Variants in FMN1 observed in about 807,000 individuals in gnomAD.
FMN1 encodes the protein formin 1, also known as formin-1.
Under a neutral mutation model 132.4 loss-of-function variants are expected in FMN1, and 110 were observed. The ratio of observed to expected loss-of-function variants is 0.83; its 90% CI spans 0.71 to 0.97. FMN1 has a LOEUF of 0.97. FMN1 is among the 50% of genes least tolerant of loss of function. The pLI, the probability that FMN1 is intolerant of heterozygous loss-of-function variation, is 0.00. For synonymous variants in FMN1, 722 were observed against 651.7 expected (o/e 1.11, Z -1.64); for missense variants, 1,792 against 1,705.3 (o/e 1.05, Z -0.90).
intron 4 of FMN1, among the ~76,000 whole-genome samples, chr15:33,128,787 G>A (rs2085181): frequency 4.6e-5 from 7 of 151,934 alleles, no homozygotes; most frequent in African/African-American, 1.2e-4. Context: ...CAAACGGTGA[G>A]CAGCAGCAAG....
At chr15:32,842,810 G>A (rs1355620495) in intron 17 of FMN1, among the ~76,000 whole-genome samples, 2 of 138,186 alleles carry the variant, frequency 1.4e-5, no homozygotes, top group East Asian at 2.1e-4. Flanking sequence ...TTTTGAGGAA[G>A]TAAGCTTCCC....
At chr15:32,808,812 T>C (rs1271537218) in intron 17 of FMN1, among the ~76,000 whole-genome samples, 2 of 152,180 alleles carry the variant, frequency 1.3e-5, no homozygotes, top group Non-Finnish European at 2.9e-5. Flanking sequence ...ATCACAAAAT[T>C]GCACACAACA....
intron 6 of FMN1, chr15:33,063,354 G>C (rs551423071): frequency 1.3e-5 from 2 of 152,354 alleles, no homozygotes. Context: ...TGAGGGCTGC[G>C]GGTCCTGCCC....
At chr15:32,842,064 T>C (rs2058757007) in intron 17 of FMN1, among the ~76,000 whole-genome samples, 1 of 152,202 alleles carries the variant, frequency 6.6e-6, no homozygotes, top group African/African-American at 2.4e-5. Flanking sequence ...GTGGCGTCTA[T>C]TCACTCCCTT....
chr15:33,128,526 G>A (rs540200987), intron 4 of FMN1, among the ~76,000 whole-genome samples: 17 of 152,188 alleles, frequency 1.1e-4, no homozygotes, highest in Non-Finnish European at 2.1e-4. Flanking sequence ...ATGAAACAGC[G>A]TGATATGTTA....
chr15:33,006,838 G>T (rs76516299), intron 7 of FMN1, among the ~76,000 whole-genome samples: 2 of 152,008 alleles, frequency 1.3e-5, no homozygotes. Context: ...TAAAAAAGTC[G>T]AACTCGCAGG....
intron 4 of FMN1, among the ~76,000 whole-genome samples, chr15:33,136,038 G>A (rs925931236): frequency 9.2e-5 from 14 of 152,192 alleles, no homozygotes; most frequent in African/African-American, 3.1e-4. Flanking sequence ...AATAAAAAAT[G>A]TTTTGAATGC....
At chr15:32,848,295 GGAGA>G (rs1439521360) in intron 17 of FMN1, among the ~76,000 whole-genome samples, 4 of 152,204 alleles carry the variant, frequency 2.6e-5, no homozygotes, top group African/African-American at 9.6e-5. Context: ...TCCAAGTCAA[GGAGA>G]AAGAACGGAG....
intron 7 of FMN1, among the ~76,000 whole-genome samples, chr15:32,986,522 A>C (rs937161031): frequency 5.3e-5 from 8 of 152,128 alleles, no homozygotes; most frequent in African/African-American, 1.9e-4. Context: ...GAAAAATGTA[A>C]ATCTCCCATC....
At chr15:32,867,094 G>T (rs566319881) in intron 16 of FMN1, among the ~76,000 whole-genome samples, 10 of 152,088 alleles carry the variant, frequency 6.6e-5, no homozygotes, top group Non-Finnish European at 1.3e-4. Flanking sequence ...CACCTCCTAC[G>T]GAACTCCTGA....
intron 19 of FMN1, among the ~76,000 whole-genome samples, chr15:32,783,247 C>T (rs1367970894): frequency 6.6e-6 from 1 of 152,164 alleles, no homozygotes; most frequent in Admixed American, 6.5e-5. Flanking sequence ...AATATATATT[C>T]TCAATTGATA....
At chr15:33,078,822 T>C (rs1475163391) in intron 5 of FMN1, among the ~76,000 whole-genome samples, 2 of 152,164 alleles carry the variant, frequency 1.3e-5, no homozygotes, top group Admixed American at 6.5e-5. Flanking sequence ...AAAAATGCTT[T>C]TTTGAAAGAC....
chr15:33,147,097 G>A (rs1184840430), intron 4 of FMN1, among the ~76,000 whole-genome samples: 4 of 151,414 alleles, frequency 2.6e-5, no homozygotes, highest in African/African-American at 4.9e-5. Flanking sequence ...CCTGGGAGGC[G>A]GAGGTTGCAG....
intron 15 of FMN1, among the ~76,000 whole-genome samples, chr15:32,893,478 C>T (rs889697580): frequency 8.5e-5 from 13 of 152,224 alleles, no homozygotes; most frequent in Admixed American, 7.2e-4. Flanking sequence ...GTTAAAAAGG[C>T]ATGACTCTAC....
At chr15:32,821,233 G>C (rs1483979610) in intron 17 of FMN1, among the ~76,000 whole-genome samples, 1 of 151,850 alleles carries the variant, frequency 6.6e-6, no homozygotes, top group African/African-American at 2.4e-5. Flanking sequence ...TCAGCTGCCT[G>C]GGTAAAGTTG....
At chr15:32,834,015 A>AT (rs1363198459) in intron 17 of FMN1, among the ~76,000 whole-genome samples, 1 of 151,540 alleles carries the variant, frequency 6.6e-6, no homozygotes, top group Admixed American at 6.6e-5. Context: ...CCTTCTCATC[A>AT]TTTTTTCTGA....
At position 33,088,716 on chromosome 15, in the gene FMN1, A is replaced by G. The variant is rs1485272052; in HGVS notation, c.2043+83T>C. On this transcript the variant is annotated intron_variant, in intron 5 of 20. Coordinates refer to ENST00000616417, the MANE Select transcript of FMN1 (RefSeq NM_001277313.2). ...CCATACATTAAATGCAGCTTTATATACACAATTTACATTAAATACATATTA... is the reference window on the plus strand; with the variant it reads ...CCATACATTAAATGCAGCTTTATATGCACAATTTACATTAAATACATATTA... 5 of 1,210,746 alleles carry G rather than the reference A, an allele frequency of 4.1e-6. No individual in the cohort carries two copies. The African/African-American group carries it at 6.1e-5, about 15-fold the overall frequency. 75.0% of individuals were successfully genotyped at this position (1,210,746 alleles called of 1,614,324 possible).
chr15:32,819,538 G>C (rs1237309080), intron 17 of FMN1, among the ~76,000 whole-genome samples: 1 of 152,166 alleles, frequency 6.6e-6, no homozygotes, highest in Non-Finnish European at 1.5e-5. Flanking sequence ...GACAGTTTCT[G>C]TCAGAAAGTT....
intron 5 of FMN1, chr15:33,067,997 G>C: frequency 6.8e-7 from 1 of 1,464,952 alleles, no homozygotes; most frequent in Non-Finnish European, 8.9e-7. Flanking sequence ...CAGGACCCGG[G>C]AGTCAGGCTG....
Sources: allele counts gnomAD v4.1 joint callset (sites outside exome capture counted in the v4.1 genomes callset), GRCh38; gene constraint gnomAD v4.1.1; transcripts MANE v1.5; gene names NCBI Gene and HGNC (gene_info 2026-07-23, HGNC 2026-07-21).